The following PCSK5 variants were observed in gnomAD, a reference collection of about 807,000 sequenced individuals.
The protein encoded by PCSK5 is prohormone convertase 5.
In PCSK5, 129 loss-of-function variants were observed where a neutral mutation model predicts 233.2. The observed-to-expected ratio is 0.55, with a 90% CI of 0.48 to 0.64. PCSK5 has a LOEUF of 0.64. Ranked by LOEUF, PCSK5 falls within the 30% of genes least tolerant of loss-of-function variation. PCSK5 has a pLI of 0.00. For missense variants in PCSK5, 2,076 were observed against 2,430.1 expected, an observed-to-expected ratio of 0.85 and a Z score of 3.06; for synonymous variants, 825 against 879.2, an observed-to-expected ratio of 0.94 and a Z score of 1.09.
At chr9:76,019,104 T>C (rs1197094396) in intron 3 of PCSK5, among the ~76,000 whole-genome samples, 3 of 152,216 alleles carry the variant, frequency 2.0e-5, no homozygotes, top group Non-Finnish European at 4.4e-5. Context: ...AGTCTCATTT[T>C]CTTTATCTGT....
chr9:76,243,088 G>C (rs954020870), intron 24 of PCSK5, among the ~76,000 whole-genome samples: 2 of 152,188 alleles, frequency 1.3e-5, no homozygotes, highest in Non-Finnish European at 2.9e-5. Context: ...AGACCAAGGG[G>C]AAGTCACTGG....
intron 1 of PCSK5, among the ~76,000 whole-genome samples, chr9:75,926,401 A>G (rs974082614): frequency 6.6e-6 from 1 of 152,176 alleles, no homozygotes; most frequent in Non-Finnish European, 1.5e-5. Context: ...GTTTTTTGTG[A>G]TGTAAATACT....
intron 1 of PCSK5, among the ~76,000 whole-genome samples, chr9:75,931,743 T>C (rs1823812065): frequency 6.6e-6 from 1 of 152,190 alleles, no homozygotes; most frequent in Non-Finnish European, 1.5e-5. Context: ...TAAGATAAAG[T>C]AGAACCAACT....
chr9:75,998,809 CT>C (rs1563963683), intron 3 of PCSK5, among the ~76,000 whole-genome samples: 2 of 152,160 alleles, frequency 1.3e-5, no homozygotes, highest in African/African-American at 4.8e-5. Context: ...CCCCTTTACT[CT>C]GATTGTCTTA....
intron 1 of PCSK5, among the ~76,000 whole-genome samples, chr9:75,900,204 C>G (rs1825966993): frequency 6.6e-6 from 1 of 152,128 alleles, no homozygotes; most frequent in African/African-American, 2.4e-5. Flanking sequence ...ACTGCTCCTT[C>G]CTAGCTGGAG....
intron 32 of PCSK5, among the ~76,000 whole-genome samples, chr9:76,324,371 T>C (rs1045199630): frequency 1.3e-5 from 2 of 151,768 alleles, no homozygotes; most frequent in African/African-American, 4.8e-5. Context: ...GCTGGGATTA[T>C]AGGTGGCTGC....
chr9:76,086,318 T>C (rs759286964), intron 7 of PCSK5, among the ~76,000 whole-genome samples: 2 of 152,198 alleles, frequency 1.3e-5, no homozygotes, highest in Non-Finnish European at 2.9e-5. Flanking sequence ...TTTTCTTAGC[T>C]GCTTTGAGTG....
intron 17 of PCSK5, among the ~76,000 whole-genome samples, chr9:76,187,140 A>C (rs566084470): frequency 1.3e-5 from 2 of 152,274 alleles, no homozygotes; most frequent in South Asian, 4.1e-4. Flanking sequence ...TTAAGAGCAT[A>C]GGGAAAAATA....
chr9:75,896,678 A>G (rs913327054), intron 1 of PCSK5, among the ~76,000 whole-genome samples: 2 of 152,228 alleles, frequency 1.3e-5, no homozygotes, highest in African/African-American at 4.8e-5. Context: ...ATAAATGCTT[A>G]TAGACATTAA....
At chr9:76,279,312 T>C (rs1214740728) in intron 24 of PCSK5, among the ~76,000 whole-genome samples, 1 of 149,632 alleles carries the variant, frequency 6.7e-6, no homozygotes, top group Non-Finnish European at 1.5e-5. Context: ...CAGTCTATCA[T>C]TGTTGGGCAT....
At position 76,216,306 on chromosome 9, in the gene PCSK5, GA is replaced by G. The variant is rs374544345; in HGVS notation, c.2627-11191del. 2.0e-5 allele frequency among the ~76,000 whole-genome samples: 3 copies of G among 152,146 alleles called. No individual in the cohort carries two copies. The East Asian group carries it at 5.8e-4, about 29-fold the overall frequency. ...GGAGATATCAAGGCATTCAGGAAAGGAAAAAAGAGCAAGAATGCATTGAGTC... is the reference window on the plus strand; with the variant it reads ...GGAGATATCAAGGCATTCAGGAAAGGAAAAAGAGCAAGAATGCATTGAGTC... On this transcript the variant is annotated intron_variant, in intron 20 of 37. Transcript: ENST00000674117.
At chr9:76,340,534 A>G (rs1260499681) in intron 35 of PCSK5, among the ~76,000 whole-genome samples, 2 of 147,122 alleles carry the variant, frequency 1.4e-5, no homozygotes, top group Non-Finnish European at 3.0e-5. Flanking sequence ...AATCTCAACT[A>G]CTTGGGAGGT....
At chr9:76,102,909 C>A (rs1831822761) in intron 8 of PCSK5, among the ~76,000 whole-genome samples, 2 of 152,164 alleles carry the variant, frequency 1.3e-5, no homozygotes, top group African/African-American at 4.8e-5. Flanking sequence ...GTACATGGAA[C>A]TGAGCTGAAC....
chr9:75,897,607 C>T (rs973110913), intron 1 of PCSK5, among the ~76,000 whole-genome samples: 1 of 151,010 alleles, frequency 6.6e-6, no homozygotes, highest in Non-Finnish European at 1.5e-5. Flanking sequence ...GATTCTCCTG[C>T]CTCAGCCTCC....
intron 2 of PCSK5, among the ~76,000 whole-genome samples, chr9:75,960,220 T>C (rs1008473291): frequency 3.3e-5 from 5 of 152,252 alleles, no homozygotes; most frequent in Admixed American, 3.3e-4. Flanking sequence ...TTCTTTTGCC[T>C]ACCTTTGTTA....
At chr9:75,928,704 G>A (rs1170725508) in intron 1 of PCSK5, among the ~76,000 whole-genome samples, 2 of 142,970 alleles carry the variant, frequency 1.4e-5, no homozygotes, top group African/African-American at 2.6e-5. Flanking sequence ...GGCACTTTAC[G>A]CTTTAGCTGT....
At chr9:76,026,783 A>G (rs1216242640) in intron 4 of PCSK5, among the ~76,000 whole-genome samples, 178 bp from the exon 5 acceptor site, 1 of 152,144 alleles carries the variant, frequency 6.6e-6, no homozygotes, top group East Asian at 1.9e-4. Context: ...ACTAATTATC[A>G]CTGAATGAGC....
chr9:76,354,041 G>A lies in PCSK5; in HGVS notation c.5076G>A (p.Lys1692=). 1 of 1,608,578 alleles carries A rather than the reference G, an allele frequency of 6.2e-7. No homozygotes were observed. The highest frequency in any genetic ancestry group is 1.3e-5 in the African/African-American group (1 of 74,996). ...TTGATTGCTCTTAACAGGGAGAGAA[G>A]TTTAACTGTGAAAAATGCCACGAGA... ...VGEYRVGEGE[K]FNCEKCHESC... Residue 1692 remains lysine (K), a synonymous_variant, in exon 37 of 38, where the codon AAG becomes AAA. Coordinates refer to ENST00000674117, the MANE Select transcript of PCSK5 (RefSeq NM_001372043.1).
chr9:76,046,788 C>CTGACTTCA (rs1829427646), intron 5 of PCSK5, among the ~76,000 whole-genome samples: 1 of 140,670 alleles, frequency 7.1e-6, no homozygotes, highest in Non-Finnish European at 1.6e-5. Flanking sequence ...TCTCCATCTC[C>CTGACTTCA]TGACTTCATG....
Sources: gnomAD v4.1 joint callset for allele counts (sites outside exome capture counted in the v4.1 genomes callset) on GRCh38, gnomAD v4.1.1 for gene constraint, MANE v1.5 for transcripts, NCBI Gene and HGNC (gene_info 2026-07-23, HGNC 2026-07-21) for gene names.